The following TLN2 variants were observed in gnomAD, a reference collection of about 807,000 sequenced individuals.
TLN2 encodes the protein talin-2.
Under a neutral mutation model 294.7 loss-of-function variants are expected in TLN2, and 118 were observed. That is an observed-to-expected ratio of 0.40 (90% CI 0.34 to 0.47). The LOEUF (loss-of-function observed/expected upper bound fraction) is 0.47. TLN2 is among the 20% of genes least tolerant of loss of function. The probability of loss-of-function intolerance (pLI) is 0.84; values close to 1 mark genes in which losing one functional copy is unlikely to be tolerated. For synonymous variants in TLN2, 1,431 were observed against 1,304.5 expected, an observed-to-expected ratio of 1.10 and a Z score of -2.09; for missense variants, 3,083 against 3,282.2, an observed-to-expected ratio of 0.94 and a Z score of 1.48.
chr15:62,481,798 C>CTTTTTT (rs60002079), intron 1 of TLN2, among the ~76,000 whole-genome samples: 3 of 115,742 alleles, frequency 2.6e-5, no homozygotes, highest in Non-Finnish European at 5.3e-5. Context: ...TTCTTTCTTT[C>CTTTTTT]TTTTTTTTTT....
At chr15:62,775,222 GCATTTTTGTGTCTGTAACAGT>G (rs1201842665) in intron 42 of TLN2, among the ~76,000 whole-genome samples, 5 of 146,368 alleles carry the variant, frequency 3.4e-5, no homozygotes, top group Non-Finnish European at 7.7e-5. Context: ...TGAATTGCTG[GCATTTTTGTGTCTGTAACAGT>G]CATCTCATTC....
intron 1 of TLN2, among the ~76,000 whole-genome samples, chr15:62,488,281 G>A (rs2038519699): frequency 6.6e-6 from 1 of 152,150 alleles, no homozygotes; most frequent in Non-Finnish European, 1.5e-5. Flanking sequence ...ACATGTAAAG[G>A]AGGAAGACAC....
chr15:62,582,534 G>A (rs921893440), intron 1 of TLN2, among the ~76,000 whole-genome samples: 2 of 152,180 alleles, frequency 1.3e-5, no homozygotes, highest in African/African-American at 4.8e-5. Context: ...CTTGGAGCAG[G>A]TGGAACTTGA....
At chr15:62,602,646 T>G (rs1338333820) in intron 2 of TLN2, among the ~76,000 whole-genome samples, 1 of 152,134 alleles carries the variant, frequency 6.6e-6, no homozygotes, top group East Asian at 1.9e-4. Context: ...AGGGTGCACT[T>G]GCTGGTTTAC....
In TLN2 at chr15:62,491,343, TATATATATAC is replaced by T. The variant is rs1490978583; in HGVS notation, c.-237-98342_-237-98333del. Among the ~76,000 whole-genome samples, 227 of 113,570 alleles carry T rather than the reference TATATATATAC, an allele frequency of 2.0e-3. 3 individuals carry two copies. The highest frequency in any genetic ancestry group is 7.5e-3 in the African/African-American group (217 of 28,890). 74.5% of individuals were successfully genotyped at this position (113,570 alleles called of 152,430 possible). ...CTCTGTCTCAAAAAAAAAAAATATATATATATATACACACACACACACACACACACACACA... is the reference window on the plus strand; with the variant it reads ...CTCTGTCTCAAAAAAAAAAAATATATACACACACACACACACACACACACA... On this transcript the variant is annotated intron_variant, in intron 1 of 58. Coordinates refer to ENST00000636159, the MANE Select transcript of TLN2 (RefSeq NM_015059.3).
At chr15:62,395,158 T>C (rs1341732272) in intron 1 of TLN2, among the ~76,000 whole-genome samples, 1 of 148,924 alleles carries the variant, frequency 6.7e-6, no homozygotes, top group Admixed American at 6.9e-5. Context: ...GCCCTCACAA[T>C]GCCCACACAT....
intron 9 of TLN2, among the ~76,000 whole-genome samples, chr15:62,663,557 A>C (rs1323727739): frequency 6.6e-6 from 1 of 151,926 alleles, no homozygotes; most frequent in Non-Finnish European, 1.5e-5. Flanking sequence ...TACTAGAATT[A>C]ACAAGACTTT....
At chr15:62,477,616 G>C (rs2037844357) in intron 1 of TLN2, among the ~76,000 whole-genome samples, 1 of 152,098 alleles carries the variant, frequency 6.6e-6, no homozygotes, top group African/African-American at 2.4e-5. Context: ...AATCCTATGG[G>C]CTCTCTCTGT....
chr15:62,632,743 A>G (rs565217345), intron 3 of TLN2, among the ~76,000 whole-genome samples: 29 of 152,222 alleles, frequency 1.9e-4, no homozygotes, highest in African/African-American at 6.7e-4. Flanking sequence ...CTTATCCTCT[A>G]TATCCACAAA....
chr15:62,675,421 T>A, intron 11 of TLN2, 100 bp downstream of exon 11: 1 of 1,220,226 alleles, frequency 8.2e-7, no homozygotes, highest in Non-Finnish European at 1.2e-6. Context: ...CTCACCCCCC[T>A]AGCATTTGCG....
At chr15:62,677,501 AT>A (rs2056346116) in intron 11 of TLN2, among the ~76,000 whole-genome samples, 1 of 152,176 alleles carries the variant, frequency 6.6e-6, no homozygotes, top group South Asian at 2.1e-4. Flanking sequence ...GAAAAAATAA[AT>A]TTGTTCTTCA....
At chr15:62,694,054 C>T (rs370348018) in intron 13 of TLN2, among the ~76,000 whole-genome samples, 7 of 149,442 alleles carry the variant, frequency 4.7e-5, no homozygotes, top group East Asian at 4.0e-4. Context: ...CTGCAGGCTC[C>T]GCCTCCCAGT....
chr15:62,714,453 C>T (rs1376911045), intron 22 of TLN2, among the ~76,000 whole-genome samples: 1 of 151,982 alleles, frequency 6.6e-6, no homozygotes, highest in Non-Finnish European at 1.5e-5. Flanking sequence ...CCACCCGCCT[C>T]GGCCTCCCAA....
chr15:62,582,246 A>ACACACACACACACACCCC (rs764248336), intron 1 of TLN2, among the ~76,000 whole-genome samples: 1,758 of 137,242 alleles, frequency 0.013, 83 homozygotes, highest in Admixed American at 0.027. Flanking sequence ...ACACACACAC[A>ACACACACACACACACCCC]CATTCATGCC....
intron 1 of TLN2, among the ~76,000 whole-genome samples, chr15:62,511,355 G>C (rs12912668): frequency 0.076 from 11,589 of 152,266 alleles, 517 homozygotes; most frequent in Non-Finnish European, 0.095. Flanking sequence ...CCTCAAAACA[G>C]CTGGGTCTAG....
intron 1 of TLN2, among the ~76,000 whole-genome samples, chr15:62,544,035 TA>T: frequency 6.6e-6 from 1 of 152,166 alleles, no homozygotes; most frequent in African/African-American, 2.4e-5. Flanking sequence ...TCGTCAGAAT[TA>T]ATGAGGCCTC....
At chr15:62,507,364 G>A (rs760153170) in intron 1 of TLN2, among the ~76,000 whole-genome samples, 18 of 152,194 alleles carry the variant, frequency 1.2e-4, no homozygotes, top group African/African-American at 4.1e-4. Flanking sequence ...TGAGACCCCC[G>A]TGTGATGCTT....
chr15:62,794,018 C>CTT (rs2065272406), intron 46 of TLN2, among the ~76,000 whole-genome samples: 1 of 151,948 alleles, frequency 6.6e-6, no homozygotes, highest in South Asian at 2.1e-4. Flanking sequence ...TGGAGGAAGG[C>CTT]ATTTGCCTTC....
At chr15:62,445,669 G>A (rs1351043451) in intron 1 of TLN2, among the ~76,000 whole-genome samples, 2 of 151,364 alleles carry the variant, frequency 1.3e-5, no homozygotes, top group South Asian at 2.1e-4. Flanking sequence ...TTTTTTGAGG[G>A]TGGGTGTTGG....
Sources: gnomAD v4.1 joint callset for allele counts (sites outside exome capture counted in the v4.1 genomes callset) on GRCh38, gnomAD v4.1.1 for gene constraint, MANE v1.5 for transcripts, NCBI Gene and HGNC (gene_info 2026-07-23, HGNC 2026-07-21) for gene names.